The following PDE4D variants were observed in gnomAD, a reference collection of about 807,000 sequenced individuals.
The protein encoded by PDE4D is phosphodiesterase 4D, also known as 3',5'-cyclic-AMP phosphodiesterase 4D.
In PDE4D, 24 loss-of-function variants were observed where a neutral mutation model predicts 87.4. That is an observed-to-expected ratio of 0.27 (90% CI 0.20 to 0.39). The LOEUF (loss-of-function observed/expected upper bound fraction) is 0.39, where lower values mean the gene tolerates loss of function less well. Among genes scored for constraint, PDE4D ranks in the 10% least tolerant of loss-of-function variants. PDE4D has a pLI of 1.00. For synonymous variants in PDE4D, 384 were observed against 383.2 expected, an observed-to-expected ratio of 1.00 and a Z score of -0.02; for missense variants, 714 against 1,041.0, an observed-to-expected ratio of 0.69 and a Z score of 4.32.
intron 1 of PDE4D, among the ~76,000 whole-genome samples, chr5:59,509,923 T>C (rs1488967416): frequency 6.8e-6 from 1 of 147,536 alleles, no homozygotes; most frequent in East Asian, 2.0e-4. Flanking sequence ...TATATATAAT[T>C]ATACTTTTGA....
chr5:59,521,901 T>C (rs1340163596), intron 1 of PDE4D, among the ~76,000 whole-genome samples: 2 of 152,324 alleles, frequency 1.3e-5, no homozygotes, highest in African/African-American at 4.8e-5. Flanking sequence ...CCGTTGAAGG[T>C]TGAATGTTTA....
chr5:59,646,863 G>C (rs1382574996), intron 1 of PDE4D, among the ~76,000 whole-genome samples: 1 of 151,998 alleles, frequency 6.6e-6, no homozygotes, highest in Non-Finnish European at 1.5e-5. Context: ...GTGAAACCCT[G>C]TCTCTACTAA....
At chr5:59,723,844 T>C (rs192411068) in intron 1 of PDE4D, among the ~76,000 whole-genome samples, 1 of 152,298 alleles carries the variant, frequency 6.6e-6, no homozygotes, top group East Asian at 1.9e-4. Context: ...ACTGGTTAAC[T>C]TTTCTCCTTG....
chr5:59,649,901 GAACC>G (rs1561402647), intron 1 of PDE4D, among the ~76,000 whole-genome samples: 1 of 24,770 alleles, frequency 4.0e-5, no homozygotes, highest in African/African-American at 1.1e-4. Flanking sequence ...GATAGTTTGT[GAACC>G]TTTTTTTTTT....
chr5:60,306,832 C>T (rs568643151), intron 1 of PDE4D, among the ~76,000 whole-genome samples: 3 of 151,768 alleles, frequency 2.0e-5, no homozygotes, highest in Non-Finnish European at 4.4e-5. Flanking sequence ...ATAGCAGAAA[C>T]AAAAGAAAAA....
chr5:59,078,233 A>G (rs1295461405), intron 5 of PDE4D, among the ~76,000 whole-genome samples: 4 of 152,234 alleles, frequency 2.6e-5, no homozygotes, highest in Admixed American at 1.3e-4. Context: ...AACTTGATAT[A>G]CATACTATGC....
intron 1 of PDE4D, among the ~76,000 whole-genome samples, chr5:60,349,535 A>T (rs1759007305): frequency 6.6e-6 from 1 of 152,188 alleles, no homozygotes; most frequent in Admixed American, 6.5e-5. Context: ...CTAAGGCAGA[A>T]TTAAAAGATT....
At chr5:60,030,003 G>C (rs1037987832) in intron 2 of PDE4D, among the ~76,000 whole-genome samples, 4 of 152,134 alleles carry the variant, frequency 2.6e-5, no homozygotes, top group Admixed American at 6.5e-5. Flanking sequence ...TGAGCTCTTA[G>C]ACCATAAATG....
intron 2 of PDE4D, among the ~76,000 whole-genome samples, chr5:59,998,329 G>A (rs1175457786): frequency 6.6e-6 from 1 of 151,932 alleles, no homozygotes; most frequent in African/African-American, 2.4e-5. Flanking sequence ...GTTTAATGTA[G>A]GAAACCCAGA....
At chr5:59,520,358 T>C (rs569030163) in intron 1 of PDE4D, among the ~76,000 whole-genome samples, 1 of 152,320 alleles carries the variant, frequency 6.6e-6, no homozygotes, top group African/African-American at 2.4e-5. Flanking sequence ...CAATCATGCC[T>C]TATTCATCTG....
chr5:59,427,339 G>A lies in PDE4D; in HGVS notation c.456-211371C>T, dbSNP rs7713258. ...CACACACACACACACACACACACAC[G>A]CCCCTATGCCAAAATATGTACCATG... On this transcript the variant is annotated intron_variant, in intron 1 of 14. Transcript: ENST00000340635. Among the ~76,000 whole-genome samples, 291 of 102,222 alleles carry A rather than the reference G, an allele frequency of 2.8e-3. 1 individual carries two copies. The highest frequency in any genetic ancestry group is 9.4e-3 in the African/African-American group (212 of 22,578). 67.1% of individuals were successfully genotyped at this position (102,222 alleles called of 152,430 possible).
chr5:60,515,521 G>C (rs1193640684), intron 1 of PDE4D, among the ~76,000 whole-genome samples: 1 of 151,770 alleles, frequency 6.6e-6, no homozygotes, highest in African/African-American at 2.4e-5. Context: ...TATTAGGAAA[G>C]AGCATAAGGT....
intron 2 of PDE4D, among the ~76,000 whole-genome samples, chr5:60,042,626 A>T (rs1768655732): frequency 6.6e-6 from 1 of 152,212 alleles, no homozygotes; most frequent in African/African-American, 2.4e-5. Flanking sequence ...GCTGTTCTAC[A>T]GCCTCTGCTG....
intron 5 of PDE4D, among the ~76,000 whole-genome samples, chr5:59,089,530 C>T (rs1048286782): frequency 6.6e-6 from 1 of 152,000 alleles, no homozygotes; most frequent in Non-Finnish European, 1.5e-5. Flanking sequence ...TTTCACAACT[C>T]TTAGATCTAT....
At chr5:59,431,096 A>T (rs370385415) in intron 1 of PDE4D, among the ~76,000 whole-genome samples, 92 of 152,228 alleles carry the variant, frequency 6.0e-4, no homozygotes, top group African/African-American at 2.2e-3. Context: ...TGATGATGAT[A>T]CACATTTTTT....
At position 59,148,566 on chromosome 5, in the gene PDE4D, G is replaced by T. The variant is rs975537053; in HGVS notation, c.808+32029C>A. On this transcript the variant is annotated intron_variant, in intron 5 of 14. Coordinates refer to ENST00000340635, the MANE Select transcript of PDE4D (RefSeq NM_001104631.2). ...GAAAGCGTATCCCAGCACCTGCATG[G>T]TAACCACTCAGCACAAGTTATTTGT... Among the ~76,000 whole-genome samples, 11 of 152,286 alleles carry T rather than the reference G, an allele frequency of 7.2e-5. No individual in the cohort carries two copies. The East Asian group carries it at 2.1e-3, about 29-fold the overall frequency.
At chr5:60,275,526 T>G (rs1461409648) in intron 1 of PDE4D, among the ~76,000 whole-genome samples, 1 of 152,024 alleles carries the variant, frequency 6.6e-6, no homozygotes, top group Non-Finnish European at 1.5e-5. Context: ...TTTATTAATT[T>G]TAATTTCTGG....
Position 59,559,304 on chromosome 5 carries a change from C to A in PDE4D, c.455+333864G>T, listed in dbSNP as rs185322281. On this transcript the variant is annotated intron_variant, in intron 1 of 14. Transcript: ENST00000340635. ...TATGCTACTTACTATAATAGTTTAA[C>A]ATACAACAGCTTGAAAATAGTATAA... is the stretch of plus-strand genomic sequence containing the variant. Among the ~76,000 whole-genome samples the A allele has an allele frequency of 4.2e-3, 640 of 152,254 alleles. 5 individuals carry two copies. Among genetic ancestry groups the A allele is most frequent in the African/African-American group, 0.014 (595 of 41,560 alleles).
chr5:60,011,226 C>G (rs72753254), intron 2 of PDE4D, among the ~76,000 whole-genome samples: 37,168 of 151,956 alleles, frequency 0.24, 5,354 homozygotes, highest in Admixed American at 0.35. Context: ...GTGGTCAGCA[C>G]TATTGAGAGT....
Sources: gnomAD v4.1 joint callset for allele counts (sites outside exome capture counted in the v4.1 genomes callset) on GRCh38, gnomAD v4.1.1 for gene constraint, MANE v1.5 for transcripts, NCBI Gene and HGNC (gene_info 2026-07-23, HGNC 2026-07-21) for gene names.